GRIK2: variants seen among roughly 807,000 people sequenced by gnomAD.
GRIK2 encodes glutamate receptor ionotropic, kainate 2.
Under a neutral mutation model 100.3 loss-of-function variants are expected in GRIK2, and 32 were observed. The observed-to-expected ratio is 0.32, with a 90% CI of 0.24 to 0.43. The LOEUF is 0.43. GRIK2 is among the 20% of genes least tolerant of loss of function. The pLI is 1.00. For missense variants in GRIK2, 843 were observed against 1,114.9 expected, an observed-to-expected ratio of 0.76 and a Z score of 3.47; for synonymous variants, 417 against 389.4, an observed-to-expected ratio of 1.07 and a Z score of -0.83.
intron 2 of GRIK2, among the ~76,000 whole-genome samples, chr6:101,470,765 G>T (rs1410887464): frequency 6.6e-6 from 1 of 152,034 alleles, no homozygotes; most frequent in Admixed American, 6.6e-5. Context: ...CTGACACATT[G>T]ATATTATAAT....
At chr6:101,668,104 T>G (rs1399893605) in intron 4 of GRIK2, among the ~76,000 whole-genome samples, 1 of 152,218 alleles carries the variant, frequency 6.6e-6, no homozygotes, top group Admixed American at 6.6e-5. Context: ...CATTCAGACT[T>G]GAGTATGTCC....
chr6:101,835,463 C>T (rs1217200570), intron 10 of GRIK2, among the ~76,000 whole-genome samples: 1 of 126,786 alleles, frequency 7.9e-6, no homozygotes, highest in Non-Finnish European at 1.6e-5. Context: ...CCTATGAGTT[C>T]CTTTTTTTTT....
intron 2 of GRIK2, among the ~76,000 whole-genome samples, chr6:101,563,719 A>C (rs1301286527): frequency 6.6e-6 from 1 of 152,152 alleles, no homozygotes; most frequent in African/African-American, 2.4e-5. Context: ...GAATAATAGG[A>C]CTATCTAATA....
intron 2 of GRIK2, among the ~76,000 whole-genome samples, chr6:101,526,143 G>A (rs1317822205): frequency 6.6e-6 from 1 of 152,140 alleles, no homozygotes; most frequent in Admixed American, 6.5e-5. Context: ...GGCTCACTGT[G>A]TGTTATCCTT....
chr6:101,686,038 T>G (rs572673755), intron 6 of GRIK2, 142 bp from the exon 7 acceptor site: 1 of 573,328 alleles, frequency 1.7e-6, no homozygotes, highest in African/African-American at 1.9e-5. Context: ...TATTTGAATC[T>G]TGGTGATTTG....
At chr6:101,707,580 G>A (rs1353525581) in intron 7 of GRIK2, among the ~76,000 whole-genome samples, 1 of 119,882 alleles carries the variant, frequency 8.3e-6, no homozygotes, top group Non-Finnish European at 1.7e-5. Flanking sequence ...ATGTGTATGT[G>A]TGTGTGTGTG....
At chr6:101,680,049 T>G (rs1269550061) in intron 5 of GRIK2, among the ~76,000 whole-genome samples, 1 of 152,198 alleles carries the variant, frequency 6.6e-6, no homozygotes, top group African/African-American at 2.4e-5. Context: ...CCCAGCGTTT[T>G]CTACGTCATA....
intron 2 of GRIK2, among the ~76,000 whole-genome samples, chr6:101,595,027 A>G (rs898019762): frequency 2.6e-5 from 4 of 151,730 alleles, no homozygotes; most frequent in African/African-American, 9.7e-5. Flanking sequence ...ATACAAATGA[A>G]TAAAAGAGGG....
intron 2 of GRIK2, among the ~76,000 whole-genome samples, chr6:101,540,303 C>T (rs1775922208): frequency 6.6e-6 from 1 of 151,872 alleles, no homozygotes; most frequent in East Asian, 1.9e-4. Context: ...CATTGAAAAG[C>T]TACATAAACA....
intron 4 of GRIK2, among the ~76,000 whole-genome samples, chr6:101,654,329 G>A (rs1327674499): frequency 2.6e-5 from 4 of 152,076 alleles, no homozygotes; most frequent in Non-Finnish European, 5.9e-5. Context: ...CCCCAGTCCT[G>A]TATTAGAACT....
intron 2 of GRIK2, among the ~76,000 whole-genome samples, chr6:101,483,780 T>C (rs537849581): frequency 6.6e-6 from 1 of 152,332 alleles, no homozygotes; most frequent in Non-Finnish European, 1.5e-5. Flanking sequence ...TTCGCCATGT[T>C]GGCCAGGCTG....
intron 2 of GRIK2, among the ~76,000 whole-genome samples, chr6:101,612,259 C>A (rs1385676880): frequency 1.3e-5 from 2 of 151,706 alleles, no homozygotes; most frequent in African/African-American, 4.8e-5. Flanking sequence ...CCTTGCAGGA[C>A]TGAAACATAA....
At chr6:101,773,901 G>T (rs1055585292) in intron 7 of GRIK2, among the ~76,000 whole-genome samples, 2 of 152,092 alleles carry the variant, frequency 1.3e-5, no homozygotes, top group Admixed American at 1.3e-4. Flanking sequence ...ATGACAAGTT[G>T]CTACTACAAT....
At chr6:101,776,806 A>G (rs887570940) in intron 7 of GRIK2, among the ~76,000 whole-genome samples, 2 of 152,108 alleles carry the variant, frequency 1.3e-5, no homozygotes, top group African/African-American at 4.8e-5. Flanking sequence ...TCAGGTTATT[A>G]TATGTTAATT....
intron 2 of GRIK2, among the ~76,000 whole-genome samples, chr6:101,574,466 C>T (rs576194465): frequency 6.7e-6 from 1 of 150,282 alleles, no homozygotes; most frequent in East Asian, 1.9e-4. Context: ...AAGATTTTAA[C>T]CCTTTTTTTT....
chr6:101,410,266 A>C (rs1406418749), intron 2 of GRIK2, among the ~76,000 whole-genome samples: 1 of 152,142 alleles, frequency 6.6e-6, no homozygotes, highest in Admixed American at 6.6e-5. Context: ...CCTATGATGA[A>C]CTTTTAGTTA....
chr6:101,594,177 A>G (rs1053104483), intron 2 of GRIK2, among the ~76,000 whole-genome samples: 7 of 151,868 alleles, frequency 4.6e-5, no homozygotes, highest in African/African-American at 7.2e-5. Flanking sequence ...AGGTAGCACT[A>G]AAATGTTATA....
chr6:101,511,147 C>G (rs1582613085), intron 2 of GRIK2, among the ~76,000 whole-genome samples: 1 of 152,112 alleles, frequency 6.6e-6, no homozygotes, highest in East Asian at 1.9e-4. Context: ...TAGCTTACAA[C>G]AAAATAAATA....
chr6:101,805,095 T>A (rs1731062022), intron 9 of GRIK2, among the ~76,000 whole-genome samples: 1 of 151,944 alleles, frequency 6.6e-6, no homozygotes, highest in South Asian at 2.1e-4. Flanking sequence ...TGCCTCATGA[T>A]GACTGAGTGT....
Sources: gnomAD v4.1 joint callset for allele counts (sites outside exome capture counted in the v4.1 genomes callset) on GRCh38, gnomAD v4.1.1 for gene constraint, MANE v1.5 for transcripts, NCBI Gene and HGNC (gene_info 2026-07-23, HGNC 2026-07-21) for gene names.